The following BCAS3 variants were observed in gnomAD, a reference collection of about 807,000 sequenced individuals.
BCAS3 encodes the protein BCAS3 microtubule associated cell migration factor.
A neutral mutation model predicts 116.1 loss-of-function variants in BCAS3; 53 were observed. The ratio of observed to expected loss-of-function variants is 0.46; its 90% CI spans 0.37 to 0.57. The LOEUF is 0.57. BCAS3 is among the 20% of genes least tolerant of loss of function. The pLI, the probability that BCAS3 is intolerant of heterozygous loss-of-function variation, is 0.00. For synonymous variants in BCAS3, 391 were observed against 408.2 expected, an observed-to-expected ratio of 0.96 and a Z score of 0.51; for missense variants, 917 against 1,165.4, an observed-to-expected ratio of 0.79 and a Z score of 3.10.
chr17:61,384,447 C>T (rs1166219638), intron 23 of BCAS3: 4 of 152,298 alleles, frequency 2.6e-5, no homozygotes, highest in African/African-American at 9.6e-5. Context: ...ACCCTCCCCT[C>T]CTGTGCCACA....
Position 61,352,602 on chromosome 17 carries a change from C to A in BCAS3, c.2426-15725C>A, listed in dbSNP as rs953903415. Reference sequence around the variant, plus strand: ...AGCCACAGCCTCGGAATCTCTTTACCCGTAGGCGCCACACTTGGCACACAA... The same window carrying A: ...AGCCACAGCCTCGGAATCTCTTTACACGTAGGCGCCACACTTGGCACACAA... On this transcript the variant is annotated intron_variant, in intron 22 of 23. Transcript: ENST00000407086. This position sits in a 1 kb window ranked among gnomAD's most constrained non-coding sequence, Gnocchi z 4.7. Among the ~76,000 whole-genome samples, 1 of 152,124 alleles carries A rather than the reference C, an allele frequency of 6.6e-6. No individual in the cohort carries two copies. The highest frequency in any genetic ancestry group is 1.5e-5 in the Non-Finnish European group (1 of 68,008).
At chr17:60,901,299 G>A (rs75285864) in intron 10 of BCAS3, among the ~76,000 whole-genome samples, 2,629 of 152,084 alleles carry the variant, frequency 0.017, 69 homozygotes, top group East Asian at 0.092. Context: ...ATTACCAGAA[G>A]CAGGGAATAA....
intron 13 of BCAS3, among the ~76,000 whole-genome samples, 192 bp downstream of exon 13, chr17:60,924,692 A>G (rs1185036613): frequency 6.6e-6 from 1 of 151,890 alleles, no homozygotes; most frequent in African/African-American, 2.4e-5. Context: ...ATCCCTCTAA[A>G]ATTGGTTTTG....
intron 5 of BCAS3, among the ~76,000 whole-genome samples, chr17:60,738,467 G>A (rs1341631893): frequency 6.6e-6 from 1 of 152,054 alleles, no homozygotes; most frequent in Non-Finnish European, 1.5e-5. Flanking sequence ...CTTTTTCCCT[G>A]ACAAGTTTCT....
At chr17:61,322,822 G>C (rs544193383) in intron 22 of BCAS3, among the ~76,000 whole-genome samples, 205 of 125,222 alleles carry the variant, frequency 1.6e-3, no homozygotes, top group Middle Eastern at 4.6e-3. Flanking sequence ...GAGAGAGAGA[G>C]AGAGAGACAG....
rs965308550 is a variant in BCAS3, at chr17:61,219,412, G to C, written c.2425+134848G>C. On this transcript the variant is annotated intron_variant, in intron 22 of 23. Coordinates refer to ENST00000407086, the MANE Select transcript of BCAS3 (RefSeq NM_017679.5). This position sits in a 1 kb window ranked among gnomAD's most constrained non-coding sequence, Gnocchi z 5.2. Reference sequence around the variant, plus strand: ...TTAACATGAGTCTTCCTTTCTCACAGGTGGCCCATTGACTTGGTCTCTGTG... The same window carrying C: ...TTAACATGAGTCTTCCTTTCTCACACGTGGCCCATTGACTTGGTCTCTGTG... Among the ~76,000 whole-genome samples, 1 of 152,174 alleles carries C rather than the reference G, an allele frequency of 6.6e-6. No individual in the cohort carries two copies. The highest frequency in any genetic ancestry group is 1.5e-5 in the Non-Finnish European group (1 of 68,038).
chr17:61,051,005 A>T lies in BCAS3; in HGVS notation c.2029+10113A>T, dbSNP rs1351535678. Among the ~76,000 whole-genome samples, 1 of 152,128 alleles carries T rather than the reference A, an allele frequency of 6.6e-6. No homozygotes were observed. Among genetic ancestry groups the T allele is most frequent in the African/African-American group, 2.4e-5 (1 of 41,454 alleles). ...GAAAGTGCACAAATATTTGGAAACTAACACACTTTTAAATAGTCCATGGTT... is the reference window on the plus strand; with the variant it reads ...GAAAGTGCACAAATATTTGGAAACTTACACACTTTTAAATAGTCCATGGTT... On this transcript the variant is annotated intron_variant, in intron 19 of 23. Transcript: ENST00000407086. The surrounding 1 kb of genome is among the most constrained non-coding windows in gnomAD (Gnocchi z 4.1).
At chr17:61,334,664 CA>C (rs35400660) in intron 22 of BCAS3, among the ~76,000 whole-genome samples, 12,931 of 52,030 alleles carry the variant, frequency 0.25, 251 homozygotes, top group Middle Eastern at 0.33. Context: ...AACTCCATCT[CA>C]AAAAAAAAAA....
At chr17:60,924,674 C>G (rs1036675817) in intron 13 of BCAS3, among the ~76,000 whole-genome samples, 174 bp downstream of exon 13, 6 of 151,800 alleles carry the variant, frequency 4.0e-5, no homozygotes, top group African/African-American at 1.5e-4. Context: ...ATTTAGTACC[C>G]CTCTAAAATC....
rs559129533 is a variant in BCAS3, at chr17:61,235,627, G to T, written c.2426-132700G>T. Among the ~76,000 whole-genome samples, 12 of 151,574 alleles carry T rather than the reference G, an allele frequency of 7.9e-5. No individual in the cohort carries two copies. The highest frequency in any genetic ancestry group is 9.7e-5 in the African/African-American group (4 of 41,286). ...TTAGTGCTACCTCTTTCTAAACAGCGCCAGCCATGAAGCTTTTGACCTTTT... is the reference window on the plus strand; with the variant it reads ...TTAGTGCTACCTCTTTCTAAACAGCTCCAGCCATGAAGCTTTTGACCTTTT... On this transcript the variant is annotated intron_variant, in intron 22 of 23. Coordinates refer to ENST00000407086, the MANE Select transcript of BCAS3 (RefSeq NM_017679.5). The surrounding 1 kb of genome is among the most constrained non-coding windows in gnomAD (Gnocchi z 5.0).
intron 15 of BCAS3, among the ~76,000 whole-genome samples, chr17:60,999,364 C>A (rs951534413): frequency 6.6e-6 from 1 of 151,674 alleles, no homozygotes; most frequent in Non-Finnish European, 1.5e-5. Context: ...GTGGTGAAAC[C>A]CCGTCTCTAC....
intron 13 of BCAS3, among the ~76,000 whole-genome samples, chr17:60,930,054 A>C (rs1158485782): frequency 6.6e-6 from 1 of 152,110 alleles, no homozygotes; most frequent in East Asian, 1.9e-4. Flanking sequence ...CTTTAAAGAT[A>C]TGTAATTTCA....
chr17:61,110,462 G>A (rs183538527), intron 22 of BCAS3, among the ~76,000 whole-genome samples: 2,338 of 152,286 alleles, frequency 0.015, 29 homozygotes, highest in Non-Finnish European at 0.022. Flanking sequence ...TTCCCTTTCC[G>A]AGTCAAAGAA....
Position 61,204,700 on chromosome 17 carries a change from G to A in BCAS3, c.2425+120136G>A, listed in dbSNP as rs1257519332. Among the ~76,000 whole-genome samples the A allele has an allele frequency of 6.6e-6, 1 of 151,914 alleles. No individual in the cohort carries two copies. The highest frequency in any genetic ancestry group is 1.5e-5 in the Non-Finnish European group (1 of 68,000). On this transcript the variant is annotated intron_variant, in intron 22 of 23. Transcript: ENST00000407086. This position sits in a 1 kb window ranked among gnomAD's most constrained non-coding sequence, Gnocchi z 4.2. Reference sequence around the variant, plus strand: ...TTAATTGCTCAGTCTTTACCTTGGCGGAGAATGAAAAACTGCCTTGGAACT... The same window carrying A: ...TTAATTGCTCAGTCTTTACCTTGGCAGAGAATGAAAAACTGCCTTGGAACT...
At chr17:60,763,222 C>G (rs2043721100) in intron 6 of BCAS3, among the ~76,000 whole-genome samples, 2 of 152,176 alleles carry the variant, frequency 1.3e-5, no homozygotes, top group Admixed American at 1.3e-4. Flanking sequence ...GCCAGAACTT[C>G]CAACACTATG....
intron 22 of BCAS3, among the ~76,000 whole-genome samples, chr17:61,341,540 G>A (rs577531659): frequency 6.6e-6 from 1 of 152,198 alleles, no homozygotes; most frequent in South Asian, 2.1e-4. Context: ...TGGTGCAGTG[G>A]CACTCAGCCC....
chr17:60,870,068 G>T (rs535929094), intron 8 of BCAS3, among the ~76,000 whole-genome samples: 2 of 152,222 alleles, frequency 1.3e-5, no homozygotes, highest in Admixed American at 1.3e-4. Flanking sequence ...AGTTGCTTAG[G>T]TACTTTATTT....
At chr17:60,921,536 C>A (rs921842444) in intron 12 of BCAS3, among the ~76,000 whole-genome samples, 1 of 149,938 alleles carries the variant, frequency 6.7e-6, no homozygotes, top group Non-Finnish European at 1.5e-5. Context: ...TGGCGTGAAC[C>A]CGGGAGGCGG....
At chr17:60,721,938 T>C (rs1226719455) in intron 5 of BCAS3, among the ~76,000 whole-genome samples, 1 of 152,196 alleles carries the variant, frequency 6.6e-6, no homozygotes, top group Non-Finnish European at 1.5e-5. Context: ...TTCTTGAATG[T>C]CTAAGAAATA....
Sources: gnomAD v4.1 joint callset for allele counts (sites outside exome capture counted in the v4.1 genomes callset) on GRCh38, gnomAD v4.1.1 for gene constraint, Gnocchi (gnomAD v3.1) non-coding constraint, MANE v1.5 for transcripts, NCBI Gene and HGNC (gene_info 2026-07-23, HGNC 2026-07-21) for gene names.